RPP14: variants seen among roughly 807,000 people sequenced by gnomAD.
RPP14 encodes ribonuclease P protein subunit p14.
A neutral mutation model predicts 17.8 loss-of-function variants in RPP14; 19 were observed. That is an observed-to-expected ratio of 1.07 (90% CI 0.74 to 1.57). The LOEUF is 1.57. RPP14 is among the 40% of genes most tolerant of loss of function. The pLI is 0.00. For missense variants in RPP14, 125 were observed against 140.8 expected, an observed-to-expected ratio of 0.89 and a Z score of 0.57; for synonymous variants, 60 against 56.4, an observed-to-expected ratio of 1.06 and a Z score of -0.29.
chr3:58,316,392 C>G, intron 3 of RPP14, 123 bp from the exon 4 acceptor site: 1 of 840,122 alleles, frequency 1.2e-6, no homozygotes, highest in Non-Finnish European at 2.0e-6. Flanking sequence ...AGTGCCAGCA[C>G]CATTAAATAA....
Position 58,310,536 on chromosome 3 carries a change from A to G in RPP14, c.107A>G (p.Asn36Ser), listed in dbSNP as rs773772521. The G allele has an allele frequency of 1.2e-6, 2 of 1,613,218 alleles. No individual in the cohort carries two copies. The highest frequency in any genetic ancestry group is 2.7e-5 in the African/African-American group (2 of 74,770). ...LEFQDCGVGLNAAQFKQLLIS... is the reference protein window; with the variant it reads ...LEFQDCGVGLSAAQFKQLLIS... ...TTTCAAGATTGTGGAGTTGGACTGA[A>G]TGCTGCACAGTTCAAACAGCTGCTT... Residue 36 changes from asparagine (N) to serine (S), a missense_variant, in exon 3 of 6, where the codon AAT (asparagine) becomes AGT (serine). Physicochemically the swap from Asn to Ser is conservative, Grantham distance 46. Coordinates refer to ENST00000295959, the MANE Select transcript of RPP14 (RefSeq NM_007042.6).
Position 58,319,540 on chromosome 3 carries a change from G to A in RPP14, c.*2044G>A, listed in dbSNP as rs2097492215. ...AGGGTGTCAGCCAACCTCTATTAGT[G>A]TTCTTAAGTACAGTTTCTGTTATAA... On this transcript the variant is annotated 3_prime_UTR_variant, in exon 6 of 6. Transcript: ENST00000295959. The A allele has an allele frequency of 6.6e-6, 1 of 151,710 alleles. No individual in the cohort carries two copies. The highest frequency in any genetic ancestry group is 1.5e-5 in the Non-Finnish European group (1 of 67,990). 9.4% of individuals were successfully genotyped at this position (151,710 alleles called of 1,614,324 possible). A position where few individuals can be genotyped will look rare whatever the true frequency, so the allele number is the denominator to read the frequency against.
At chr3:58,310,712 A>C (rs987037016) in intron 3 of RPP14, 121 bp downstream of exon 3, 5 of 743,858 alleles carry the variant, frequency 6.7e-6, no homozygotes, top group Non-Finnish European at 1.1e-5. Context: ...TGGGCAGATC[A>C]TGAGGTCAAG....
At chr3:58,311,997 C>T (rs990054618) in intron 3 of RPP14, among the ~76,000 whole-genome samples, 4 of 152,070 alleles carry the variant, frequency 2.6e-5, no homozygotes, top group African/African-American at 9.7e-5. Flanking sequence ...CTCAGTATCC[C>T]GAGTAGCTGG....
At position 58,317,764 on chromosome 3, in the gene RPP14, A is replaced by G. The variant is rs1575548992; in HGVS notation, c.*268A>G. 1.4e-6 allele frequency: 1 copy of G among 703,194 alleles called. No homozygotes were observed. Among genetic ancestry groups the G allele is most frequent in the East Asian group, 2.7e-5 (1 of 37,286 alleles). The allele number at this position is 703,194 out of a possible 1,614,324, so 43.6% of individuals were successfully genotyped here. On this transcript the variant is annotated 3_prime_UTR_variant, in exon 6 of 6. Coordinates refer to ENST00000295959, the MANE Select transcript of RPP14 (RefSeq NM_007042.6). ...TGAACTTAGGAGGGCCTTCACACAG[A>G]CTGATGTGGCTACCTTCTCAGAATT...
chr3:58,311,453 A>G (rs576761178), intron 3 of RPP14, among the ~76,000 whole-genome samples: 2 of 152,100 alleles, frequency 1.3e-5, no homozygotes, highest in African/African-American at 4.8e-5. Context: ...TGTGCCTGGC[A>G]AGATCTGCTT....
Position 58,317,542 on chromosome 3 carries a change from AT to A in RPP14, c.*52del. 3.1e-6 allele frequency: 4 copies of A among 1,304,744 alleles called. No individual in the cohort carries two copies. The highest frequency in any genetic ancestry group is 3.3e-6 in the Non-Finnish European group (3 of 908,082). 80.8% of individuals were successfully genotyped at this position (1,304,744 alleles called of 1,614,324 possible). A position where few individuals can be genotyped will look rare whatever the true frequency, so the allele number is the denominator to read the frequency against. ...GAAACGTTCATCCACTCTCATATTT[AT>A]TTTTTGGTGCCTGCATGTTTGAAGA... On this transcript the variant is annotated 3_prime_UTR_variant, in exon 6 of 6. Coordinates refer to ENST00000295959, the MANE Select transcript of RPP14 (RefSeq NM_007042.6).
Position 58,310,369 on chromosome 3 carries a change from A to G in RPP14, c.40A>G (p.Lys14Glu). 1 of 1,614,206 alleles carries G rather than the reference A, an allele frequency of 6.2e-7. No homozygotes were observed. Among genetic ancestry groups the G allele is most frequent in the Admixed American group, 1.7e-5 (1 of 60,008 alleles). Residue 14 changes from lysine (K) to glutamate (E), a missense_variant, in exon 2 of 6, where the codon AAA becomes GAA. Lys to Glu is a moderately conservative substitution (Grantham distance 56, BLOSUM62 1). Transcript: ENST00000295959. ...TGCCACATATGAAAGAGTAGTTTAC[A>G]AAAACCCTTCCGAGTACCACTACAT... ...PAATYERVVY[K>E]NPSEYHYMKV...
chr3:58,315,919 G>T (rs1237039358), intron 3 of RPP14: 2 of 152,372 alleles, frequency 1.3e-5, no homozygotes, highest in African/African-American at 4.8e-5. Flanking sequence ...CAGGTGATCC[G>T]CCCTCCTTGG....
chr3:58,309,069 A>G (rs1414634684), intron 1 of RPP14, among the ~76,000 whole-genome samples: 1 of 152,210 alleles, frequency 6.6e-6, no homozygotes, highest in Non-Finnish European at 1.5e-5. Flanking sequence ...AGTTGTTCAC[A>G]GATAGTCTTG....
At position 58,317,484 on chromosome 3, in the gene RPP14, A is replaced by T; in HGVS notation, c.363A>T (p.Leu121=). The T allele has an allele frequency of 6.9e-6, 11 of 1,590,776 alleles. No individual in the cohort carries two copies. The highest frequency in any genetic ancestry group is 9.5e-6 in the Non-Finnish European group (11 of 1,160,496). The change falls in exon 6 of 6, where the codon CTA becomes CTT. Residue 121 remains leucine (L), a synonymous_variant. Transcript: ENST00000295959. ...LLALSGNSRE[L]VLD ...CATTATCTGGTAATAGTAGGGAACT[A>T]GTATTGGATTGAATGAATAGTCTTC... is the stretch of plus-strand genomic sequence containing the variant.
intron 3 of RPP14, among the ~76,000 whole-genome samples, chr3:58,315,409 G>C (rs1201228366): frequency 1.3e-5 from 2 of 152,122 alleles, no homozygotes; most frequent in Admixed American, 1.3e-4. Flanking sequence ...TGGCTGTAAA[G>C]GGTAGAATAA....
rs1221888829 is a variant in RPP14, at chr3:58,320,180, T to C, written c.*2684T>C. On this transcript the variant is annotated 3_prime_UTR_variant, in exon 6 of 6. Transcript: ENST00000295959. Reference sequence around the variant, plus strand: ...ATTTTATGGCTGAATAATATTCCATTGTATTTACCCATACATCAGTTGATA... The same window carrying C: ...ATTTTATGGCTGAATAATATTCCATCGTATTTACCCATACATCAGTTGATA... 1.3e-5 allele frequency: 2 copies of C among 152,156 alleles called. No homozygotes were observed. The highest frequency in any genetic ancestry group is 4.8e-5 in the African/African-American group (2 of 41,434). 9.4% of individuals were successfully genotyped at this position (152,156 alleles called of 1,614,324 possible). A position where few individuals can be genotyped will look rare whatever the true frequency, so the allele number is the denominator to read the frequency against.
In RPP14 at chr3:58,310,526, G is replaced by C; in HGVS notation, c.97G>C (p.Val33Leu). The change falls in exon 3 of 6, where the codon GTT becomes CTT. Residue 33 changes from valine (V) to leucine (L), a missense_variant. Coordinates refer to ENST00000295959, the MANE Select transcript of RPP14 (RefSeq NM_007042.6). ...TTTTAGAGAATTTCAAGATTGTGGA[G>C]TTGGACTGAATGCTGCACAGTTCAA... ...KVCLEFQDCG[V>L]GLNAAQFKQL... 1 of 1,611,190 alleles carries C rather than the reference G, an allele frequency of 6.2e-7. No homozygotes were observed. Among genetic ancestry groups the C allele is most frequent in the Non-Finnish European group, 8.5e-7 (1 of 1,179,258 alleles).
In RPP14 at chr3:58,320,011, G is replaced by C. The variant is rs140629180; in HGVS notation, c.*2515G>C. On this transcript the variant is annotated 3_prime_UTR_variant, in exon 6 of 6. Transcript: ENST00000295959. ...CTCCTCCAGTCTTTGGGAATCACCA[G>C]TCTACTTTCTGTCTCTATGGGTTTC... The C allele has an allele frequency of 6.6e-6, 1 of 152,070 alleles. No individual in the cohort carries two copies. Among genetic ancestry groups the C allele is most frequent in the Admixed American group, 6.6e-5 (1 of 15,258 alleles). The allele number at this position is 152,070 out of a possible 1,614,324, so 9.4% of individuals were successfully genotyped here.
At chr3:58,316,438 C>A in intron 3 of RPP14, 77 bp from the exon 4 acceptor site, 6 of 1,337,072 alleles carry the variant, frequency 4.5e-6, no homozygotes, top group Non-Finnish European at 6.4e-6. Context: ...GCTCAAAACT[C>A]ATTTGTTGTC....
intron 3 of RPP14, among the ~76,000 whole-genome samples, chr3:58,310,885 A>G (rs1222934137): frequency 1.3e-4 from 19 of 151,200 alleles, no homozygotes; most frequent in Non-Finnish European, 1.5e-5. Flanking sequence ...AGCCGAGATA[A>G]CGCCACTGCA....
Position 58,319,972 on chromosome 3 carries a change from G to A in RPP14, c.*2476G>A, listed in dbSNP as rs1357244696. 3.3e-5 allele frequency: 5 copies of A among 152,074 alleles called. No individual in the cohort carries two copies. The South Asian group carries it at 6.2e-4, about 19-fold the overall frequency. 9.4% of individuals were successfully genotyped at this position (152,074 alleles called of 1,614,324 possible). A position where few individuals can be genotyped will look rare whatever the true frequency, so the allele number is the denominator to read the frequency against. ...CCCCCAAAAGAACCTCCCATTAGCA[G>A]TCAATCCATTTCTCTCCTCCAGTCT... On this transcript the variant is annotated 3_prime_UTR_variant, in exon 6 of 6. Coordinates refer to ENST00000295959, the MANE Select transcript of RPP14 (RefSeq NM_007042.6).
intron 3 of RPP14, among the ~76,000 whole-genome samples, chr3:58,312,560 T>G (rs2097483501): frequency 6.6e-6 from 1 of 152,170 alleles, no homozygotes; most frequent in Admixed American, 6.5e-5. Context: ...GACAAATGAT[T>G]GTTGTAGCAC....
Sources: allele counts gnomAD v4.1 joint callset (sites outside exome capture counted in the v4.1 genomes callset), GRCh38; gene constraint gnomAD v4.1.1; transcripts MANE v1.5; gene names NCBI Gene and HGNC (gene_info 2026-07-23, HGNC 2026-07-21).